The following PDGFC variants were observed in gnomAD, a reference collection of about 807,000 sequenced individuals.
PDGFC encodes platelet derived growth factor C, also known as platelet-derived growth factor C.
In PDGFC, 12 loss-of-function variants were observed where a neutral mutation model predicts 35.5. The observed-to-expected ratio is 0.34, with a 90% CI of 0.22 to 0.55. The LOEUF (loss-of-function observed/expected upper bound fraction) is 0.55, where lower values mean the gene tolerates loss of function less well. Among genes scored for constraint, PDGFC ranks in the 20% least tolerant of loss-of-function variants. The pLI, the probability that PDGFC is intolerant of heterozygous loss-of-function variation, is 0.91. For synonymous variants in PDGFC, 159 were observed against 148.8 expected, an observed-to-expected ratio of 1.07 and a Z score of -0.50; for missense variants, 322 against 412.4, an observed-to-expected ratio of 0.78 and a Z score of 1.90.
chr4:156,905,592 G>A (rs1730897138), intron 1 of PDGFC, among the ~76,000 whole-genome samples: 2 of 151,968 alleles, frequency 1.3e-5, no homozygotes, highest in Non-Finnish European at 2.9e-5. Context: ...ATACATTTCT[G>A]ATCAACATTT....
intron 1 of PDGFC, among the ~76,000 whole-genome samples, chr4:156,902,313 T>G (rs1017925324): frequency 2.0e-5 from 3 of 152,184 alleles, no homozygotes; most frequent in Non-Finnish European, 4.4e-5. Context: ...TAATGAGTCT[T>G]AATATTCTGT....
chr4:156,804,249 A>G (rs529834394), intron 3 of PDGFC, among the ~76,000 whole-genome samples: 35 of 152,078 alleles, frequency 2.3e-4, no homozygotes, highest in Non-Finnish European at 3.8e-4. Flanking sequence ...AATGTTGGCA[A>G]GTTAAAAAAA....
At chr4:156,846,681 C>T (rs76549637) in intron 2 of PDGFC, among the ~76,000 whole-genome samples, 9,005 of 151,780 alleles carry the variant, frequency 0.059, 880 homozygotes, top group African/African-American at 0.2. Flanking sequence ...CTTGATACTG[C>T]TACTAATGTT....
chr4:156,879,562 T>C (rs1730193994), intron 1 of PDGFC, among the ~76,000 whole-genome samples: 1 of 152,140 alleles, frequency 6.6e-6, no homozygotes, highest in African/African-American at 2.4e-5. Context: ...ACATTAATAA[T>C]AAAGAATAAA....
chr4:156,826,387 G>T (rs1732480718), intron 2 of PDGFC, among the ~76,000 whole-genome samples: 1 of 151,640 alleles, frequency 6.6e-6, no homozygotes, highest in Non-Finnish European at 1.5e-5. Context: ...ATTTTTAGTA[G>T]AGACAGGGTT....
chr4:156,778,181 A>C (rs1240338935), intron 3 of PDGFC: 2 of 390,450 alleles, frequency 5.1e-6, no homozygotes, highest in African/African-American at 4.2e-5. Context: ...ACTATTAACA[A>C]AACAAGAGAA....
intron 1 of PDGFC, among the ~76,000 whole-genome samples, chr4:156,891,837 T>G (rs1275489246): frequency 6.6e-6 from 1 of 152,234 alleles, no homozygotes; most frequent in Non-Finnish European, 1.5e-5. Flanking sequence ...AGGTAAAGCT[T>G]TGATTACAAG....
In PDGFC at chr4:156,970,913, T is replaced by A. The variant is rs1453381251; in HGVS notation, c.-10A>T. 6.3e-7 allele frequency: 1 copy of A among 1,584,906 alleles called. No homozygotes were observed. The highest frequency in any genetic ancestry group is 8.7e-7 in the Non-Finnish European group (1 of 1,153,912). Reference sequence around the variant, plus strand: ...GCCCGAAGAGGCTCATTTGGCTGACTGGGGTGAGAGCTCACTCACGGCGGG... The same window carrying A: ...GCCCGAAGAGGCTCATTTGGCTGACAGGGGTGAGAGCTCACTCACGGCGGG... On this transcript the variant is annotated 5_prime_UTR_variant, in exon 1 of 6. Coordinates refer to ENST00000502773, the MANE Select transcript of PDGFC (RefSeq NM_016205.3).
chr4:156,908,349 T>A (rs115408779), intron 1 of PDGFC, among the ~76,000 whole-genome samples: 2,893 of 152,200 alleles, frequency 0.019, 91 homozygotes, highest in African/African-American at 0.066. Flanking sequence ...TGAAAGGCAA[T>A]TTACTAGATA....
At chr4:156,826,174 A>ATTTTTTTTTTTTTTTTTTTT (rs59421806) in intron 2 of PDGFC, among the ~76,000 whole-genome samples, 1 of 43,790 alleles carries the variant, frequency 2.3e-5, no homozygotes, top group Non-Finnish European at 4.1e-5. Flanking sequence ...TTTGAGTTGG[A>ATTTTTTTTTTTTTTTTTTTT]TTTTTTTTTT....
rs559221531 is a variant in PDGFC at position 156,853,528 on chromosome 4, A to G, written c.119-3112T>C. Among the ~76,000 whole-genome samples, 77 of 152,318 alleles carry G rather than the reference A, an allele frequency of 5.1e-4. 2 individuals carry two copies. In the South Asian group the frequency reaches 0.016, roughly 32 times the overall value. Reference sequence around the variant, plus strand: ...CTCTTAATAGATGCTAATATTTGATACTGCTATTGGCTGTAATAATATATA... The same window carrying G: ...CTCTTAATAGATGCTAATATTTGATGCTGCTATTGGCTGTAATAATATATA... On this transcript the variant is annotated intron_variant, in intron 1 of 5. Transcript: ENST00000502773.
At chr4:156,815,368 C>CACA (rs1560823299) in intron 2 of PDGFC, among the ~76,000 whole-genome samples, 2 of 145,590 alleles carry the variant, frequency 1.4e-5, no homozygotes, top group East Asian at 2.0e-4. Flanking sequence ...ACACACACAC[C>CACA]CCGTTGTCAC....
chr4:156,909,944 A>T (rs1397488074), intron 1 of PDGFC, among the ~76,000 whole-genome samples: 2 of 152,130 alleles, frequency 1.3e-5, no homozygotes, highest in Non-Finnish European at 2.9e-5. Flanking sequence ...ACAGGGGGAA[A>T]ATCATGAGAA....
chr4:156,869,679 A>T (rs1251093997), intron 1 of PDGFC, among the ~76,000 whole-genome samples: 1 of 152,172 alleles, frequency 6.6e-6, no homozygotes, highest in East Asian at 1.9e-4. Context: ...AATTTTCTAT[A>T]ATAAAATGAA....
At chr4:156,896,743 G>A (rs1246382549) in intron 1 of PDGFC, among the ~76,000 whole-genome samples, 1 of 152,136 alleles carries the variant, frequency 6.6e-6, no homozygotes, top group Non-Finnish European at 1.5e-5. Flanking sequence ...GCAACTAAAG[G>A]GGATAGAGGG....
intron 1 of PDGFC, among the ~76,000 whole-genome samples, chr4:156,957,510 TC>T (rs1732241214): frequency 6.6e-6 from 1 of 151,994 alleles, no homozygotes; most frequent in Non-Finnish European, 1.5e-5. Context: ...CATCCTTCAC[TC>T]CCCACCTTGT....
rs3042796 is a variant in PDGFC, at chr4:156,815,323, TACACACACACACAC to T, written c.315-4320_315-4307del. Among the ~76,000 whole-genome samples, 1,131 of 145,090 alleles carry T rather than the reference TACACACACACACAC, an allele frequency of 7.8e-3. 12 individuals are homozygous for T. Among genetic ancestry groups the T allele is most frequent in the African/African-American group, 0.025 (984 of 39,580 alleles). On this transcript the variant is annotated intron_variant, in intron 2 of 5. Coordinates refer to ENST00000502773, the MANE Select transcript of PDGFC (RefSeq NM_016205.3). ...TAAAGTTATTAATGAAATAATTTTT[TACACACACACACAC>T]ACACACACACACACACACACACACA...
chr4:156,814,639 G>A (rs1012580705), intron 2 of PDGFC, among the ~76,000 whole-genome samples: 6 of 151,844 alleles, frequency 4.0e-5, no homozygotes, highest in Non-Finnish European at 8.8e-5. Flanking sequence ...ATTCTCTTCA[G>A]GAAGTCTAAA....
rs1267062505 is a variant in PDGFC, at chr4:156,825,593, T to TAATAAGAAGAAGAAGAAGAAG, written c.315-14577_315-14576insCTTCTTCTTCTTCTTCTTATT. ...ATAATAATAATAATAATAATAATAA[T>TAATAAGAAGAAGAAGAAGAAG]AAGAAGAAGAAGAAGAAGAAGAAGA... On this transcript the variant is annotated intron_variant, in intron 2 of 5. Transcript: ENST00000502773. 1.6e-4 allele frequency among the ~76,000 whole-genome samples: 10 copies of TAATAAGAAGAAGAAGAAGAAG among 62,190 alleles called. 1 individual carries two copies. Among genetic ancestry groups the TAATAAGAAGAAGAAGAAGAAG allele is most frequent in the South Asian group, 1.4e-3 (2 of 1,386 alleles). The allele number at this position is 62,190 out of a possible 152,430, so 40.8% of individuals were successfully genotyped here. A position where few individuals can be genotyped will look rare whatever the true frequency, so the allele number is the denominator to read the frequency against.
Sources: allele counts gnomAD v4.1 joint callset (sites outside exome capture counted in the v4.1 genomes callset), GRCh38; gene constraint gnomAD v4.1.1; transcripts MANE v1.5; gene names NCBI Gene and HGNC (gene_info 2026-07-23, HGNC 2026-07-21).